BUD13: variants seen among roughly 807,000 people sequenced by gnomAD.
BUD13 encodes BUD13 spliceosome associated protein, also known as BUD13 homolog.
In BUD13, 47 loss-of-function variants were observed where a neutral mutation model predicts 62.5. That is an observed-to-expected ratio of 0.75 (90% CI 0.60 to 0.96). The LOEUF is 0.96. Ranked by LOEUF, BUD13 falls within the 40% of genes least tolerant of loss-of-function variation. The pLI, the probability that BUD13 is intolerant of heterozygous loss-of-function variation, is 0.00. For synonymous variants in BUD13, 293 were observed against 280.1 expected, an observed-to-expected ratio of 1.05 and a Z score of -0.46; for missense variants, 821 against 790.9, an observed-to-expected ratio of 1.04 and a Z score of -0.46.
At chr11:116,761,060 CATTATT>C in intron 4 of BUD13, 108 bp from the exon 5 acceptor site, 2 of 883,680 alleles carry the variant, frequency 2.3e-6, no homozygotes, top group African/African-American at 1.7e-5. Context: ...GAATTCCTTA[CATTATT>C]ATTATTTTTT....
At chr11:116,768,595 C>A (rs901338529) in intron 2 of BUD13, among the ~76,000 whole-genome samples, 4 of 151,794 alleles carry the variant, frequency 2.6e-5, no homozygotes, top group African/African-American at 4.8e-5. Context: ...TAAAAAAAAA[C>A]AACAAACATT....
chr11:116,772,840 C>G lies in BUD13; in HGVS notation c.125G>C (p.Gly42Ala). 2 of 1,582,502 alleles carry G rather than the reference C, an allele frequency of 1.3e-6. No individual in the cohort carries two copies. Among genetic ancestry groups the G allele is most frequent in the Non-Finnish European group, 1.7e-6 (2 of 1,167,042 alleles). The change falls in exon 1 of 10, where the codon GGC becomes GCC. Residue 42 changes from glycine to alanine, a missense_variant. Gly to Ala is a moderately conservative substitution (Grantham distance 60). This residue lies in a region of BUD13 where 800 missense variants were observed against 739.2 expected (regional missense o/e 1.08). Coordinates refer to ENST00000260210, the MANE Select transcript of BUD13 (RefSeq NM_032725.4). Reference sequence around the variant, plus strand: ...AACTCACCCCTTGCCGCCGGCCCCGCCAGGCTTCGGCCGCTTTTTGCGACG... The same window carrying G: ...AACTCACCCCTTGCCGCCGGCCCCGGCAGGCTTCGGCCGCTTTTTGCGACG... The part of the protein sequence containing the change: ...RKRRKKRPKP[G>A]GAGGKGMRIV...
chr11:116,760,902 G>T lies in BUD13; in HGVS notation c.1087C>A (p.Gln363Lys), dbSNP rs142510693. ...DSDLSSPRHK[Q>K]SPGHQDSDSD... ...TCAGAATCCTGGTGCCCTGGACTTT[G>T]TTTATGCCGTGGAGAAGAAAGGTCT... The change falls in exon 5 of 10, where the codon CAA (glutamine) becomes AAA (lysine). Residue 363 changes from glutamine to lysine, a missense_variant. By Grantham distance (53) the Gln-to-Lys change is moderately conservative. Transcript: ENST00000260210. The T allele has an allele frequency of 1.1e-5, 17 of 1,614,108 alleles. No individual in the cohort carries two copies. The African/African-American group carries it at 2.0e-4, about 19-fold the overall frequency.
At position 116,765,434 on chromosome 11, in the gene BUD13, C is replaced by T; in HGVS notation, c.250G>A (p.Val84Met). 1 of 1,614,158 alleles carries T rather than the reference C, an allele frequency of 6.2e-7. No homozygotes were observed. Reference sequence around the variant, plus strand: ...TTTACCTCTTCTGGCCGCTCATCCACAAACTCTGCCACCTGTGAGAGTAAA... The same window carrying T: ...TTTACCTCTTCTGGCCGCTCATCCATAAACTCTGCCACCTGTGAGAGTAAA... ...DGDLPVVAEFVDERPEEVKQM... is the reference protein window; with the variant it reads ...DGDLPVVAEFMDERPEEVKQM... Residue 84 changes from valine (V) to methionine (M), a missense_variant, in exon 3 of 10, where the codon GTG (valine) becomes ATG (methionine). By Grantham distance (21) the Val-to-Met change is conservative. This residue lies in a region of BUD13 where 800 missense variants were observed against 739.2 expected (regional missense o/e 1.08). Coordinates refer to ENST00000260210, the MANE Select transcript of BUD13 (RefSeq NM_032725.4).
rs113301266 is a variant in BUD13, at chr11:116,756,825, C to T, written c.1766+321G>A. 2.5e-3 allele frequency among the ~76,000 whole-genome samples: 385 copies of T among 152,234 alleles called. 1 individual carries two copies. Among genetic ancestry groups the T allele is most frequent in the African/African-American group, 9.1e-3 (377 of 41,544 alleles). The stretch of plus-strand genomic sequence containing the variant: ...TAAAGATATATCAGGTAGAAGGCTC[C>T]AGACTACAACTCATCACTCAACCCC... On this transcript the variant is annotated intron_variant, in intron 9 of 9. Coordinates refer to ENST00000260210, the MANE Select transcript of BUD13 (RefSeq NM_032725.4).
intron 1 of BUD13, among the ~76,000 whole-genome samples, chr11:116,770,820 G>T (rs1271022977): frequency 6.6e-6 from 1 of 151,016 alleles, no homozygotes; most frequent in Non-Finnish European, 1.5e-5. Flanking sequence ...TTGAGACAGG[G>T]TCTCACACTG....
chr11:116,754,148 T>C (rs1940286445), intron 9 of BUD13, among the ~76,000 whole-genome samples: 1 of 152,180 alleles, frequency 6.6e-6, no homozygotes, highest in Admixed American at 6.5e-5. Flanking sequence ...CTGGGCTCAG[T>C]GATCCTCCCA....
At chr11:116,754,289 C>G (rs1290992676) in intron 9 of BUD13, among the ~76,000 whole-genome samples, 2 of 152,176 alleles carry the variant, frequency 1.3e-5, no homozygotes, top group Admixed American at 1.3e-4. Flanking sequence ...TCAAGCAATC[C>G]GTCTGCCTTG....
At chr11:116,755,893 C>T (rs1216231797) in intron 9 of BUD13, among the ~76,000 whole-genome samples, 2 of 151,794 alleles carry the variant, frequency 1.3e-5, no homozygotes, top group Non-Finnish European at 2.9e-5. Flanking sequence ...TCAACAAAAG[C>T]TTTTTGAGGT....
chr11:116,760,598 C>T, intron 5 of BUD13, 137 bp downstream of exon 5: 1 of 972,108 alleles, frequency 1.0e-6, no homozygotes, highest in South Asian at 1.6e-5. Flanking sequence ...GAAAGACCTC[C>T]AAAGGTCCTT....
rs751617973 is a variant in BUD13, at chr11:116,760,355, G to GT, written c.1254+379dup. Among the ~76,000 whole-genome samples, 76 of 152,350 alleles carry GT rather than the reference G, an allele frequency of 5.0e-4. No individual in the cohort carries two copies. In the Middle Eastern group the frequency reaches 0.02, roughly 41 times the overall value. On this transcript the variant is annotated intron_variant, in intron 5 of 9. Coordinates refer to ENST00000260210, the MANE Select transcript of BUD13 (RefSeq NM_032725.4). ...GCATCTTGCCCAAATCTCACAGACA[G>GT]TAAGTGGCAGAAGGAGAATTTCTGT...
chr11:116,770,640 G>A (rs1940611017), intron 1 of BUD13, among the ~76,000 whole-genome samples: 2 of 151,398 alleles, frequency 1.3e-5, no homozygotes, highest in Non-Finnish European at 2.9e-5. Context: ...GACTACAGGC[G>A]ACCACTGCCA....
intron 9 of BUD13, among the ~76,000 whole-genome samples, chr11:116,753,674 G>A (rs988962284): frequency 1.3e-5 from 2 of 152,202 alleles, no homozygotes; most frequent in African/African-American, 4.8e-5. Context: ...ATCCAATGTT[G>A]CAATTAGCAG....
intron 9 of BUD13, among the ~76,000 whole-genome samples, chr11:116,751,489 C>T (rs536717240): frequency 4.0e-4 from 61 of 151,868 alleles, no homozygotes; most frequent in African/African-American, 1.2e-3. Context: ...ATTAGCTGGG[C>T]GTGGTGCTCA....
At chr11:116,762,125 GACT>G (rs1272428693) in intron 4 of BUD13, among the ~76,000 whole-genome samples, 1 of 152,172 alleles carries the variant, frequency 6.6e-6, no homozygotes, top group African/African-American at 2.4e-5. Context: ...GCCTGAGGAA[GACT>G]ACGTTAAGAA....
At chr11:116,763,519 G>C (rs1940476964) in intron 3 of BUD13, among the ~76,000 whole-genome samples, 3 of 152,108 alleles carry the variant, frequency 2.0e-5, no homozygotes, top group African/African-American at 7.2e-5. Flanking sequence ...TACCCTTTAA[G>C]GTAAGCAGGG....
chr11:116,765,343 A>T lies in BUD13; in HGVS notation c.322+19T>A. The stretch of plus-strand genomic sequence containing the variant: ...CCCCTACTAATGGAAATTTAGATTT[A>T]TCTATTGTTGGAACTCACCTCCCAG... On this transcript the variant is annotated intron_variant, in intron 3 of 9. Transcript: ENST00000260210. 1 of 1,612,836 alleles carries T rather than the reference A, an allele frequency of 6.2e-7. No individual in the cohort carries two copies. Among genetic ancestry groups the T allele is most frequent in the South Asian group, 1.1e-5 (1 of 91,006 alleles).
chr11:116,750,083 A>AT (rs1940206381), intron 9 of BUD13, among the ~76,000 whole-genome samples: 1 of 152,200 alleles, frequency 6.6e-6, no homozygotes, highest in Non-Finnish European at 1.5e-5. Flanking sequence ...GCAAATACTG[A>AT]TTTGGAAATC....
chr11:116,753,898 G>A (rs527470526), intron 9 of BUD13, among the ~76,000 whole-genome samples: 6 of 152,166 alleles, frequency 3.9e-5, no homozygotes, highest in African/African-American at 1.2e-4. Context: ...GAATACAGGC[G>A]ATCTAAGATC....
Sources: gnomAD v4.1 joint callset for allele counts (sites outside exome capture counted in the v4.1 genomes callset) on GRCh38, gnomAD v4.1.1 for gene constraint, gnomAD v4.1.1 regional missense constraint, MANE v1.5 for transcripts, NCBI Gene and HGNC (gene_info 2026-07-23, HGNC 2026-07-21) for gene names.